Variants in ZNF471 observed in about 807,000 individuals in gnomAD.
The protein encoded by ZNF471 is zinc finger protein 471, also known as EZFIT-related protein 1.
ZNF471 carries 7 observed loss-of-function variants against 13.7 expected under a neutral mutation model. The ratio of observed to expected loss-of-function variants is 0.51; its 90% CI spans 0.29 to 0.96. The LOEUF (loss-of-function observed/expected upper bound fraction) is 0.96, where lower values mean the gene tolerates loss of function less well. ZNF471 is among the 40% of genes least tolerant of loss of function. The probability of loss-of-function intolerance (pLI) is 0.08; values close to 1 mark genes in which losing one functional copy is unlikely to be tolerated. For synonymous variants in ZNF471, 218 were observed against 235.6 expected (o/e 0.93, Z 0.68); for missense variants, 663 against 743.3 (o/e 0.89, Z 1.26).
At position 56,525,691 on chromosome 19, in the gene ZNF471, C is replaced by A. The variant is rs376984216; in HGVS notation, c.1624C>A (p.Pro542Thr). Residue 542 changes from proline (P) to threonine (T), a missense_variant, in exon 5 of 5, where the codon CCT (proline) becomes ACT (threonine). By Grantham distance (38) the Pro-to-Thr change is conservative. Transcript: ENST00000308031. Reference protein sequence around the residue: ...QHQKTHTGEKPYECNECGKAF... With the variant: ...QHQKTHTGEKTYECNECGKAF... ...TCAGAAAACTCATACAGGAGAGAAA[C>A]CTTATGAGTGTAATGAATGCGGGAA... The A allele has an allele frequency of 6.2e-7, 1 of 1,613,942 alleles. No homozygotes were observed. The highest frequency in any genetic ancestry group is 8.5e-7 in the Non-Finnish European group (1 of 1,179,988).
At position 56,525,593 on chromosome 19, in the gene ZNF471, A is replaced by T. The variant is rs1364463874; in HGVS notation, c.1526A>T (p.His509Leu). Residue 509 changes from histidine (H) to leucine (L), a missense_variant, in exon 5 of 5, where the codon CAT (histidine) becomes CTT (leucine). Transcript: ENST00000308031. ...CAGCTGGCTACTCATCAGAGAATTC[A>T]TACTGGAGAGAAGCCTTATGAATGT... ...SSQLATHQRI[H>L]TGEKPYECIE... is the part of the protein sequence containing the mutation. 1 of 1,614,028 alleles carries T rather than the reference A, an allele frequency of 6.2e-7. No individual in the cohort carries two copies. Among genetic ancestry groups the T allele is most frequent in the Non-Finnish European group, 8.5e-7 (1 of 1,179,856 alleles).
intron 2 of ZNF471, among the ~76,000 whole-genome samples, chr19:56,514,454 A>C (rs962652123): frequency 6.6e-6 from 1 of 152,064 alleles, no homozygotes; most frequent in East Asian, 1.9e-4. Flanking sequence ...TTTAATAGTC[A>C]TATTTCCTAA....
Position 56,525,888 on chromosome 19 carries a change from G to T in ZNF471, c.1821G>T (p.Ala607=), listed in dbSNP as rs202243020. The T allele has an allele frequency of 1.3e-6, 2 of 1,590,708 alleles. No individual in the cohort carries two copies. The highest frequency in any genetic ancestry group is 3.8e-5 in the Admixed American group (2 of 53,168). Residue 607 remains alanine, a synonymous_variant, in exon 5 of 5, where the codon GCG becomes GCT. Coordinates refer to ENST00000308031, the MANE Select transcript of ZNF471 (RefSeq NM_020813.4). The stretch of plus-strand genomic sequence containing the variant: ...ATCAGTGTTTTGAATGTGGGAAGGC[G>T]TTCAGAAGAAAGTTATCCTTAATTT... ...RPYQCFECGK[A]FRRKLSLICH...
intron 1 of ZNF471, among the ~76,000 whole-genome samples, 164 bp from the exon 2 acceptor site, chr19:56,511,353 A>G (rs1367618619): frequency 6.6e-6 from 1 of 150,652 alleles, no homozygotes; most frequent in East Asian, 1.9e-4. Context: ...TCAAGCATGA[A>G]AAAAAAAAAC....
Position 56,510,788 on chromosome 19 carries a change from A to G in ZNF471, c.-55-729A>G. On this transcript the variant is annotated intron_variant, in intron 1 of 4. Coordinates refer to ENST00000308031, the MANE Select transcript of ZNF471 (RefSeq NM_020813.4). This position sits in a 1 kb window ranked among gnomAD's most constrained non-coding sequence, Gnocchi z 4.3. ...GAATTGTGTGTTGCCGGGATAGGAA[A>G]TGTGGAATAGAATTCCTGTCCCCAG... The G allele has an allele frequency of 1.0e-6, 1 of 985,458 alleles. No homozygotes were observed. Among genetic ancestry groups the G allele is most frequent in the Non-Finnish European group, 1.2e-6 (1 of 829,982 alleles). The allele number at this position is 985,458 out of a possible 1,614,324, so 61.0% of individuals were successfully genotyped here.
rs902915236 is a variant in ZNF471, at chr19:56,510,341, G to A, written c.-55-1176G>A. 1 of 985,396 alleles carries A rather than the reference G, an allele frequency of 1.0e-6. No individual in the cohort carries two copies. The highest frequency in any genetic ancestry group is 6.1e-5 in the Admixed American group (1 of 16,264). 61.0% of individuals were successfully genotyped at this position (985,396 alleles called of 1,614,324 possible). A position where few individuals can be genotyped will look rare whatever the true frequency, so the allele number is the denominator to read the frequency against. On this transcript the variant is annotated intron_variant, in intron 1 of 4. Coordinates refer to ENST00000308031, the MANE Select transcript of ZNF471 (RefSeq NM_020813.4). The surrounding 1 kb of genome is among the most constrained non-coding windows in gnomAD (Gnocchi z 4.3). ...GTGAAAGAGGGAGAGAAAGACTAGT[G>A]ATGTGGTTGTGTGAGAGACCAAAAT...
chr19:56,516,289 C>T lies in ZNF471; in HGVS notation c.48C>T (p.Phe16=), dbSNP rs199703729. 2.0e-5 allele frequency: 32 copies of T among 1,613,464 alleles called. No individual in the cohort carries two copies. The highest frequency in any genetic ancestry group is 8.5e-7 in the Non-Finnish European group (1 of 1,179,700). The part of the protein sequence containing the change: ...VKVMPQDLVT[F]KDVAIDFSQE... ...TGTCACTTCAGGACTTAGTGACATTCAAGGATGTGGCAATAGATTTTTCCC... is the reference window on the plus strand; with the variant it reads ...TGTCACTTCAGGACTTAGTGACATTTAAGGATGTGGCAATAGATTTTTCCC... The change falls in exon 3 of 5, where the codon TTC becomes TTT. Residue 16 remains phenylalanine (F), a synonymous_variant. Transcript: ENST00000308031. This position sits in a 1 kb window ranked among gnomAD's most constrained non-coding sequence, Gnocchi z 4.4.
rs2044029273 is a variant in ZNF471 at position 56,525,273 on chromosome 19, T to G, written c.1206T>G (p.Pro402=). Reference sequence around the variant, plus strand: ...GGAGAATTCATACAGGAGAGAAACCTTACAAATGTGGTGTGTGTGGAAAAA... The same window carrying G: ...GGAGAATTCATACAGGAGAGAAACCGTACAAATGTGGTGTGTGTGGAAAAA... ...LHRRIHTGEK[P]YKCGVCGKTF... is the part of the protein sequence containing the mutation. The change falls in exon 5 of 5, where the codon CCT becomes CCG. Residue 402 remains proline, a synonymous_variant. Transcript: ENST00000308031. 6.2e-7 allele frequency: 1 copy of G among 1,611,652 alleles called. No homozygotes were observed. The highest frequency in any genetic ancestry group is 1.7e-5 in the Admixed American group (1 of 59,902).
In ZNF471 at chr19:56,525,682, G is replaced by T; in HGVS notation, c.1615G>T (p.Gly539Ter). Residue 539 changes from glycine (G) to a stop codon, truncating the protein, a stop_gained, in exon 5 of 5, where the codon GGA (glycine) becomes TGA (stop). Transcript: ENST00000308031. LOFTEE classifies it low-confidence loss of function (END_TRUNC). ...TGCCCAACATCAGAAAACTCATACA[G>T]GAGAGAAACCTTATGAGTGTAATGA... is the stretch of plus-strand genomic sequence containing the variant. Reference protein sequence around the residue: ...HLAQHQKTHTGEKPYECNECG... With the variant: ...HLAQHQKTHT 6.2e-7 allele frequency: 1 copy of T among 1,614,114 alleles called. No individual in the cohort carries two copies. Among genetic ancestry groups the T allele is most frequent in the Non-Finnish European group, 8.5e-7 (1 of 1,179,996 alleles).
At chr19:56,518,390 A>C in intron 3 of ZNF471, 92 bp from the exon 4 acceptor site, 1 of 917,624 alleles carries the variant, frequency 1.1e-6, no homozygotes, top group East Asian at 2.7e-5. Flanking sequence ...TAGTATTCCT[A>C]CTATATCATT....
rs899355286 is a variant in ZNF471, at chr19:56,508,111, G to A, written c.-56+191G>A. The A allele has an allele frequency of 5.1e-6, 5 of 985,316 alleles. No homozygotes were observed. Among genetic ancestry groups the A allele is most frequent in the African/African-American group, 1.7e-5 (1 of 57,242 alleles). 61.0% of individuals were successfully genotyped at this position (985,316 alleles called of 1,614,324 possible). A position where few individuals can be genotyped will look rare whatever the true frequency, so the allele number is the denominator to read the frequency against. On this transcript the variant is annotated intron_variant, in intron 1 of 4. Transcript: ENST00000308031. The surrounding 1 kb of genome is among the most constrained non-coding windows in gnomAD (Gnocchi z 4.7). ...GCGGAGGCCGCGGCTCGGGGCTGCTGGGCGTTCGGGGCGGCTTGGGGCGGC... is the reference window on the plus strand; with the variant it reads ...GCGGAGGCCGCGGCTCGGGGCTGCTAGGCGTTCGGGGCGGCTTGGGGCGGC...
rs532843149 is a variant in ZNF471 at position 56,510,462 on chromosome 19, GAC to G, written c.-55-1053_-55-1052del. 1.2e-4 allele frequency: 115 copies of G among 985,774 alleles called. No individual in the cohort carries two copies. In the African/African-American group the frequency reaches 1.8e-3, roughly 16 times the overall value. The allele number at this position is 985,774 out of a possible 1,614,324, so 61.1% of individuals were successfully genotyped here. A position where few individuals can be genotyped will look rare whatever the true frequency, so the allele number is the denominator to read the frequency against. ...TTGTGAAGCATGCATGTGTGAGTGA[GAC>G]AGAGATAAGGGACAGTGAGCTGTGT... On this transcript the variant is annotated intron_variant, in intron 1 of 4. Coordinates refer to ENST00000308031, the MANE Select transcript of ZNF471 (RefSeq NM_020813.4). The surrounding 1 kb of genome is among the most constrained non-coding windows in gnomAD (Gnocchi z 4.3).
intron 4 of ZNF471, among the ~76,000 whole-genome samples, chr19:56,520,204 A>G (rs955345463): frequency 2.0e-5 from 3 of 152,214 alleles, no homozygotes; most frequent in Non-Finnish European, 2.9e-5. Flanking sequence ...AACAAGTGGA[A>G]GAAGGGAAAA....
rs2043763820 is a variant in ZNF471, at chr19:56,508,392, G to A, written c.-56+472G>A. On this transcript the variant is annotated intron_variant, in intron 1 of 4. Coordinates refer to ENST00000308031, the MANE Select transcript of ZNF471 (RefSeq NM_020813.4). This position sits in a 1 kb window ranked among gnomAD's most constrained non-coding sequence, Gnocchi z 4.7. ...AGAGAGCGTGTGAAGCTCAGTGAGA[G>A]GTTGCGAGGTGTGTGGGTGTGTAAG... Among the ~76,000 whole-genome samples, 1 of 151,462 alleles carries A rather than the reference G, an allele frequency of 6.6e-6. No homozygotes were observed. The highest frequency in any genetic ancestry group is 1.5e-5 in the Non-Finnish European group (1 of 67,892).
rs1187266306 is a variant in ZNF471 at position 56,525,519 on chromosome 19, A to G, written c.1452A>G (p.Glu484=). The change falls in exon 5 of 5, where the codon GAA becomes GAG. Residue 484 remains glutamate (E), a synonymous_variant. Transcript: ENST00000308031. The part of the protein sequence containing the change: ...LVSHLRIHTG[E]KPYECKECGK... The stretch of plus-strand genomic sequence containing the variant: ...GTCATTTGAGAATTCATACTGGTGA[A>G]AAACCCTATGAATGTAAAGAATGTG... 1.1e-5 allele frequency: 17 copies of G among 1,614,020 alleles called. No individual in the cohort carries two copies. Among genetic ancestry groups the G allele is most frequent in the Non-Finnish European group, 1.4e-5 (17 of 1,180,030 alleles).
Position 56,528,141 on chromosome 19 carries a change from C to T in ZNF471, c.*2193C>T, listed in dbSNP as rs931168030. 6.6e-6 allele frequency: 1 copy of T among 152,134 alleles called. No individual in the cohort carries two copies. The highest frequency in any genetic ancestry group is 2.4e-5 in the African/African-American group (1 of 41,438). The allele number at this position is 152,134 out of a possible 1,614,324, so 9.4% of individuals were successfully genotyped here. A position where few individuals can be genotyped will look rare whatever the true frequency, so the allele number is the denominator to read the frequency against. On this transcript the variant is annotated 3_prime_UTR_variant, in exon 5 of 5. Coordinates refer to ENST00000308031, the MANE Select transcript of ZNF471 (RefSeq NM_020813.4). ...TCCTCACATTCAATGGGTTGCATAC[C>T]CATGAATTCTAAAACTTCATCCTCT...
Position 56,525,164 on chromosome 19 carries a change from G to A in ZNF471, c.1097G>A (p.Arg366Lys). 1 of 1,614,144 alleles carries A rather than the reference G, an allele frequency of 6.2e-7. No individual in the cohort carries two copies. Among genetic ancestry groups the A allele is most frequent in the African/African-American group, 1.3e-5 (1 of 75,032 alleles). The change falls in exon 5 of 5, where the codon AGG becomes AAG. Residue 366 changes from arginine (R) to lysine (K), a missense_variant. Transcript: ENST00000308031. ...AACACATCTTTTATTCGTCACTGGA[G>A]GAGTTATCATACTGGAGAGAAGCCT... ...RYNTSFIRHWRSYHTGEKPFN... is the reference protein window; with the variant it reads ...RYNTSFIRHWKSYHTGEKPFN...
At chr19:56,520,205 G>A (rs1201683172) in intron 4 of ZNF471, among the ~76,000 whole-genome samples, 1 of 152,172 alleles carries the variant, frequency 6.6e-6, no homozygotes, top group Admixed American at 6.5e-5. Flanking sequence ...ACAAGTGGAA[G>A]AAGGGAAAAG....
intron 4 of ZNF471, among the ~76,000 whole-genome samples, chr19:56,521,971 A>G (rs1469144173): frequency 1.3e-5 from 2 of 152,166 alleles, no homozygotes; most frequent in African/African-American, 4.8e-5. Flanking sequence ...ATGTCCTCAT[A>G]GCATATTTTA....
Sources: gnomAD v4.1 joint callset for allele counts (sites outside exome capture counted in the v4.1 genomes callset) on GRCh38, gnomAD v4.1.1 for gene constraint, Gnocchi (gnomAD v3.1) non-coding constraint, MANE v1.5 for transcripts, NCBI Gene and HGNC (gene_info 2026-07-23, HGNC 2026-07-21) for gene names.